The following TMEM39A variants were observed in gnomAD, a reference collection of about 807,000 sequenced individuals.
The protein encoded by TMEM39A is transmembrane protein 39A, also known as suppressor of SQST-1 aggregates in rpl-43 mutants.
TMEM39A carries 19 observed loss-of-function variants against 51.9 expected under a neutral mutation model. That is an observed-to-expected ratio of 0.37 (90% CI 0.26 to 0.54). The LOEUF is 0.54. Ranked by LOEUF, TMEM39A falls within the 20% of genes least tolerant of loss-of-function variation. The pLI is 0.88. For missense variants in TMEM39A, 433 were observed against 590.5 expected (o/e 0.73, Z 2.76); for synonymous variants, 197 against 220.2 (o/e 0.89, Z 0.93).
At chr3:119,456,542 A>C (rs1320007916) in intron 3 of TMEM39A, among the ~76,000 whole-genome samples, 2 of 152,248 alleles carry the variant, frequency 1.3e-5, no homozygotes, top group African/African-American at 4.8e-5. Flanking sequence ...AATCTTTATT[A>C]GTCCCAAACA....
intron 2 of TMEM39A, among the ~76,000 whole-genome samples, chr3:119,459,599 A>G (rs923464114): frequency 2.0e-5 from 3 of 152,222 alleles, no homozygotes; most frequent in Non-Finnish European, 4.4e-5. Flanking sequence ...TTTTAAAAGG[A>G]TAATACTTTA....
chr3:119,441,444 C>A (rs759699396), intron 5 of TMEM39A, among the ~76,000 whole-genome samples: 2 of 152,206 alleles, frequency 1.3e-5, no homozygotes, highest in African/African-American at 4.8e-5. Flanking sequence ...TGGTCTGGAT[C>A]GACCAGCCAC....
chr3:119,437,746 A>G lies in TMEM39A; in HGVS notation c.924+9T>C. On this transcript the variant is annotated intron_variant, in intron 6 of 8. Coordinates refer to ENST00000319172, the MANE Select transcript of TMEM39A (RefSeq NM_018266.3). ...CCAGGAAGCACATAAAAGTAAGATA[A>G]CCACTTACCTTCACAAAACACAGGG... 6.6e-7 allele frequency: 1 copy of G among 1,514,148 alleles called. No homozygotes were observed. 93.8% of individuals were successfully genotyped at this position (1,514,148 alleles called of 1,614,324 possible). A position where few individuals can be genotyped will look rare whatever the true frequency, so the allele number is the denominator to read the frequency against.
intron 4 of TMEM39A, 54 bp from the exon 5 acceptor site, chr3:119,447,226 G>A: frequency 6.4e-7 from 1 of 1,565,694 alleles, no homozygotes; most frequent in Non-Finnish European, 8.7e-7. Context: ...TTCTTCAAAA[G>A]CATTGTAATT....
intron 5 of TMEM39A, among the ~76,000 whole-genome samples, chr3:119,445,646 T>C (rs1216139906): frequency 2.0e-5 from 3 of 152,178 alleles, no homozygotes; most frequent in African/African-American, 7.2e-5. Flanking sequence ...GATACACACA[T>C]GCTGAAGTAT....
chr3:119,448,379 A>G (rs577801661), intron 4 of TMEM39A, among the ~76,000 whole-genome samples: 37 of 152,298 alleles, frequency 2.4e-4, no homozygotes, highest in African/African-American at 8.7e-4. Flanking sequence ...AAAGGAGAAA[A>G]AAATTATCTA....
chr3:119,439,991 C>T (rs921051103), intron 5 of TMEM39A, among the ~76,000 whole-genome samples: 5 of 152,164 alleles, frequency 3.3e-5, no homozygotes, highest in African/African-American at 1.2e-4. Context: ...TGGTCTTGAA[C>T]TCCTGAGCTC....
In TMEM39A at chr3:119,447,172, C is replaced by A; in HGVS notation, c.421G>T (p.Ala141Ser). 1 of 1,605,932 alleles carries A rather than the reference C, an allele frequency of 6.2e-7. No individual in the cohort carries two copies. Residue 141 changes from alanine (A) to serine (S), a missense_variant and splice_region_variant, in exon 5 of 9, where the codon GCT becomes TCT. Coordinates refer to ENST00000319172, the MANE Select transcript of TMEM39A (RefSeq NM_018266.3). The stretch of plus-strand genomic sequence containing the variant: ...ATTGATGCTGCACCTGCCTTAGTAG[C>A]CTGAAAGTTTGGAAGCACCAAAATG... Reference protein sequence around the residue: ...RRLVWALISEATKAGAASMIH... With the variant: ...RRLVWALISESTKAGAASMIH...
chr3:119,458,653 G>T (rs187773281), intron 2 of TMEM39A, among the ~76,000 whole-genome samples: 1 of 152,152 alleles, frequency 6.6e-6, no homozygotes, highest in South Asian at 2.1e-4. Context: ...CCAGCACTTT[G>T]GGAGGCCGAG....
chr3:119,450,826 C>CAAAAAAAAAA (rs60326718), intron 4 of TMEM39A, among the ~76,000 whole-genome samples: 2 of 55,896 alleles, frequency 3.6e-5, no homozygotes, highest in African/African-American at 7.3e-5. Context: ...GACTCCATCT[C>CAAAAAAAAAA]AAAAAAAAAA....
chr3:119,442,438 G>C (rs962858127), intron 5 of TMEM39A, among the ~76,000 whole-genome samples: 3 of 151,904 alleles, frequency 2.0e-5, no homozygotes, highest in African/African-American at 4.8e-5. Flanking sequence ...TGTTAAGATA[G>C]CATCCATTCT....
intron 4 of TMEM39A, among the ~76,000 whole-genome samples, chr3:119,447,533 T>C (rs2081144183): frequency 6.6e-6 from 1 of 152,214 alleles, no homozygotes; most frequent in African/African-American, 2.4e-5. Context: ...TCCTAACAAC[T>C]TTCCTCTCAA....
Position 119,452,572 on chromosome 3 carries a change from G to A in TMEM39A, c.337-42C>T, listed in dbSNP as rs141878644. On this transcript the variant is annotated intron_variant, in intron 3 of 8. Transcript: ENST00000319172. ...TAACTACATCAGAAAGAAATATGAT[G>A]TGTATTCAGCTGGCACTACTACAAG... is the stretch of plus-strand genomic sequence containing the variant. The A allele has an allele frequency of 1.3e-4, 195 of 1,514,068 alleles. 1 individual carries two copies. In the African/African-American group the frequency reaches 2.5e-3, roughly 19 times the overall value. 93.8% of individuals were successfully genotyped at this position (1,514,068 alleles called of 1,614,324 possible).
intron 3 of TMEM39A, among the ~76,000 whole-genome samples, chr3:119,456,354 A>G (rs2081263669): frequency 6.6e-6 from 1 of 152,226 alleles, no homozygotes; most frequent in Non-Finnish European, 1.5e-5. Context: ...AGAAACTGAC[A>G]TTCTTATCAC....
At chr3:119,435,170 GA>G (rs2080951902) in intron 7 of TMEM39A, 1 of 985,436 alleles carries the variant, frequency 1.0e-6, no homozygotes, top group Non-Finnish European at 1.2e-6. Context: ...GTGTAAGCCA[GA>G]AAACAGTGTG....
chr3:119,443,843 T>C (rs1047577745), intron 5 of TMEM39A, among the ~76,000 whole-genome samples: 28 of 151,882 alleles, frequency 1.8e-4, no homozygotes, highest in African/African-American at 6.5e-4. Context: ...AGGGCAAGGC[T>C]GCAGTGAGCT....
chr3:119,435,004 T>C, intron 7 of TMEM39A, 122 bp from the exon 8 acceptor site: 3 of 1,428,102 alleles, frequency 2.1e-6, no homozygotes, highest in Non-Finnish European at 2.8e-6. Flanking sequence ...GCCTGAATTC[T>C]GAAAATACAG....
chr3:119,434,279 T>C (rs560987731), intron 8 of TMEM39A, among the ~76,000 whole-genome samples: 1 of 152,330 alleles, frequency 6.6e-6, no homozygotes, highest in African/African-American at 2.4e-5. Context: ...TTTTTCCTTT[T>C]CATGGCATTT....
chr3:119,436,811 G>A lies in TMEM39A; in HGVS notation c.1092C>T (p.Tyr364=). The part of the protein sequence containing the change: ...GKWQKLEHGS[Y]SNAPQHIWSE... ...CTCACATGTGCTGTGGAGCATTGCTGTAGGACCCATGTTCCAACTTCTGCC... is the reference window on the plus strand; with the variant it reads ...CTCACATGTGCTGTGGAGCATTGCTATAGGACCCATGTTCCAACTTCTGCC... Residue 364 remains tyrosine, a synonymous_variant, in exon 7 of 9, where the codon TAC becomes TAT. Coordinates refer to ENST00000319172, the MANE Select transcript of TMEM39A (RefSeq NM_018266.3). 6.2e-7 allele frequency: 1 copy of A among 1,613,552 alleles called. No homozygotes were observed. Among genetic ancestry groups the A allele is most frequent in the Non-Finnish European group, 8.5e-7 (1 of 1,179,654 alleles).
Sources: gnomAD v4.1 joint callset for allele counts (sites outside exome capture counted in the v4.1 genomes callset) on GRCh38, gnomAD v4.1.1 for gene constraint, MANE v1.5 for transcripts, NCBI Gene and HGNC (gene_info 2026-07-23, HGNC 2026-07-21) for gene names.